INPP5A: variants seen among roughly 807,000 people sequenced by gnomAD.
INPP5A encodes 43 kDa inositol polyphosphate 5-phophatase.
Under a neutral mutation model 65.2 loss-of-function variants are expected in INPP5A, and 14 were observed. The observed-to-expected ratio is 0.21, with a 90% CI of 0.14 to 0.34. The LOEUF (loss-of-function observed/expected upper bound fraction) is 0.34, where lower values mean the gene tolerates loss of function less well. Ranked by LOEUF, INPP5A falls within the 10% of genes least tolerant of loss-of-function variation. INPP5A has a pLI of 1.00. For missense variants in INPP5A, 431 were observed against 545.6 expected (o/e 0.79, Z 2.09); for synonymous variants, 207 against 208.3 (o/e 0.99, Z 0.05).
rs2071022978 is a variant in INPP5A, at chr10:132,549,479, A to G, written c.75+11308A>G. 6.6e-6 allele frequency among the ~76,000 whole-genome samples: 1 copy of G among 152,202 alleles called. No individual in the cohort carries two copies. Among genetic ancestry groups the G allele is most frequent in the Non-Finnish European group, 1.5e-5 (1 of 68,044 alleles). On this transcript the variant is annotated intron_variant, in intron 1 of 15. Coordinates refer to ENST00000368594, the MANE Select transcript of INPP5A (RefSeq NM_005539.5). The surrounding 1 kb of genome is among the most constrained non-coding windows in gnomAD (Gnocchi z 4.9). ...ATAATAATTCCCCACAAGGATGGTT[A>G]TCTTGCCGTGTTGGTAATGGCTTTG...
At chr10:132,747,605 C>T (rs746612667) in intron 9 of INPP5A, among the ~76,000 whole-genome samples, 11 of 152,262 alleles carry the variant, frequency 7.2e-5, no homozygotes, top group African/African-American at 1.2e-4. Flanking sequence ...GCCCTGTCTC[C>T]GAGCCCCGGC....
Position 132,538,182 on chromosome 10 carries a change from C to A in INPP5A, c.75+11C>A. On this transcript the variant is annotated intron_variant, in intron 1 of 15. Coordinates refer to ENST00000368594, the MANE Select transcript of INPP5A (RefSeq NM_005539.5). This position sits in a 1 kb window ranked among gnomAD's most constrained non-coding sequence, Gnocchi z 4.1. ...TCGCTCTTCGACGACGTAAGTCCCC[C>A]GTGCCGGCGGCAGGCCCCAAGCCCG... 1 of 1,272,874 alleles carries A rather than the reference C, an allele frequency of 7.9e-7. No homozygotes were observed. Among genetic ancestry groups the A allele is most frequent in the South Asian group, 2.7e-5 (1 of 37,242 alleles). The allele number at this position is 1,272,874 out of a possible 1,614,324, so 78.8% of individuals were successfully genotyped here. A position where few individuals can be genotyped will look rare whatever the true frequency, so the allele number is the denominator to read the frequency against.
At chr10:132,768,390 C>T (rs1202022456) in intron 12 of INPP5A, among the ~76,000 whole-genome samples, 2 of 152,080 alleles carry the variant, frequency 1.3e-5, no homozygotes, top group Non-Finnish European at 2.9e-5. Context: ...CGCCCAGTGG[C>T]ATTCCAGAAA....
At chr10:132,655,440 A>G (rs990018871) in intron 4 of INPP5A, among the ~76,000 whole-genome samples, 8 of 152,192 alleles carry the variant, frequency 5.3e-5, no homozygotes, top group South Asian at 2.1e-4. Flanking sequence ...CCAAGTGCCT[A>G]TTGATCCACA....
At chr10:132,579,205 G>T (rs1213832767) in intron 1 of INPP5A, among the ~76,000 whole-genome samples, 1 of 152,090 alleles carries the variant, frequency 6.6e-6, no homozygotes, top group Non-Finnish European at 1.5e-5. Context: ...GGGGGAAGGA[G>T]AGTGTGGGGG....
intron 1 of INPP5A, among the ~76,000 whole-genome samples, chr10:132,571,125 C>T (rs2071336525): frequency 6.6e-6 from 1 of 152,280 alleles, no homozygotes. Flanking sequence ...GTGGGCTCCG[C>T]CCTGGGCCCT....
chr10:132,691,852 G>A (rs1284196498), intron 5 of INPP5A, among the ~76,000 whole-genome samples: 4 of 151,396 alleles, frequency 2.6e-5, no homozygotes, highest in Non-Finnish European at 4.4e-5. Context: ...ACGTGCGGTC[G>A]CGGGAGACGT....
At chr10:132,744,443 C>T (rs923573984) in intron 9 of INPP5A, among the ~76,000 whole-genome samples, 1 of 152,184 alleles carries the variant, frequency 6.6e-6, no homozygotes, top group Admixed American at 6.5e-5. Flanking sequence ...CCACCGGTCC[C>T]TGTGTCTATG....
chr10:132,770,282 A>G (rs1230415621), intron 12 of INPP5A, among the ~76,000 whole-genome samples: 1 of 152,198 alleles, frequency 6.6e-6, no homozygotes, highest in Non-Finnish European at 1.5e-5. Flanking sequence ...GAACGCTCCC[A>G]AGTCACCGCA....
intron 11 of INPP5A, among the ~76,000 whole-genome samples, chr10:132,756,579 G>A (rs1041845125): frequency 2.0e-5 from 3 of 152,210 alleles, no homozygotes; most frequent in African/African-American, 4.8e-5. Flanking sequence ...TGAAGGAGCC[G>A]CTGCGCCGCC....
At chr10:132,553,935 G>A (rs1359099844) in intron 1 of INPP5A, among the ~76,000 whole-genome samples, 83 of 109,620 alleles carry the variant, frequency 7.6e-4, no homozygotes, top group South Asian at 1.4e-3. Flanking sequence ...TGGAATATTG[G>A]GTAGGATAGG....
At chr10:132,739,803 C>A (rs1590972516) in intron 9 of INPP5A, among the ~76,000 whole-genome samples, 3 of 152,350 alleles carry the variant, frequency 2.0e-5, no homozygotes, top group South Asian at 2.1e-4. Context: ...CGCCATGCCC[C>A]CTGCCAGGAC....
chr10:132,604,047 C>A (rs1294673074), intron 1 of INPP5A, among the ~76,000 whole-genome samples: 1 of 147,814 alleles, frequency 6.8e-6, no homozygotes, highest in Non-Finnish European at 1.5e-5. Context: ...GTCAGGGTCC[C>A]CTCTCTGTCC....
chr10:132,570,951 C>T (rs1427327050), intron 1 of INPP5A, among the ~76,000 whole-genome samples: 2 of 152,260 alleles, frequency 1.3e-5, no homozygotes, highest in Admixed American at 1.3e-4. Flanking sequence ...GCCTGCCTGG[C>T]TCTCCTGGTG....
At chr10:132,732,391 G>GTT (rs1330568849) in intron 9 of INPP5A, among the ~76,000 whole-genome samples, 2 of 152,240 alleles carry the variant, frequency 1.3e-5, no homozygotes, top group Non-Finnish European at 2.9e-5. Context: ...TTTGCACACA[G>GTT]TTTACTATGT....
chr10:132,720,447 G>A (rs563366689), intron 8 of INPP5A, among the ~76,000 whole-genome samples: 10 of 149,968 alleles, frequency 6.7e-5, no homozygotes, highest in Admixed American at 1.3e-4. Context: ...GCCTTAGACG[G>A]CTGTCTTCAG....
intron 2 of INPP5A, among the ~76,000 whole-genome samples, chr10:132,625,742 T>C (rs979116353): frequency 3.3e-5 from 5 of 152,078 alleles, no homozygotes; most frequent in African/African-American, 9.7e-5. Context: ...CCCTGGGCAT[T>C]GCACGGAGCA....
In INPP5A at chr10:132,721,007, A is replaced by T. The variant is rs181729501; in HGVS notation, c.648-5814A>T. Among the ~76,000 whole-genome samples the T allele has an allele frequency of 1.4e-3, 200 of 148,066 alleles. 3 individuals are homozygous for T. The highest frequency in any genetic ancestry group is 4.8e-3 in the African/African-American group (192 of 39,742). On this transcript the variant is annotated intron_variant, in intron 8 of 15. Transcript: ENST00000368594. Reference sequence around the variant, plus strand: ...CCTGGGTTCTGTCTGGGCACCTTAGACGACTGTCTTCAGGGTTCTGTGGTA... The same window carrying T: ...CCTGGGTTCTGTCTGGGCACCTTAGTCGACTGTCTTCAGGGTTCTGTGGTA...
In INPP5A at chr10:132,781,864, G is replaced by A. The variant is rs1565017607; in HGVS notation, c.1162G>A (p.Val388Met). ...PNVCMGDHKP[V>M]FLAFRIMPGA... ...CCGTCCTCTCTTCCTGCTGCAGCCCGTGTTCCTGGCCTTCCGAATCATGCC... is the reference window on the plus strand; with the variant it reads ...CCGTCCTCTCTTCCTGCTGCAGCCCATGTTCCTGGCCTTCCGAATCATGCC... Residue 388 changes from valine to methionine, a missense_variant, in exon 15 of 16, where the codon GTG (valine) becomes ATG (methionine). Transcript: ENST00000368594. 4 of 1,613,536 alleles carry A rather than the reference G, an allele frequency of 2.5e-6. No homozygotes were observed. The highest frequency in any genetic ancestry group is 3.4e-6 in the Non-Finnish European group (4 of 1,179,858).
Sources: allele counts gnomAD v4.1 joint callset (sites outside exome capture counted in the v4.1 genomes callset), GRCh38; gene constraint gnomAD v4.1.1; non-coding constraint Gnocchi (gnomAD v3.1); transcripts MANE v1.5; gene names NCBI Gene and HGNC (gene_info 2026-07-23, HGNC 2026-07-21).